NLGN1: variants seen among roughly 807,000 people sequenced by gnomAD.
NLGN1 encodes the protein neuroligin 1.
A neutral mutation model predicts 65.5 loss-of-function variants in NLGN1; 12 were observed. The ratio of observed to expected loss-of-function variants is 0.18; its 90% CI spans 0.12 to 0.30. The LOEUF is 0.30. NLGN1 is among the 10% of genes least tolerant of loss of function. The pLI, the probability that NLGN1 is intolerant of heterozygous loss-of-function variation, is 1.00. For missense variants in NLGN1, 750 were observed against 1,007.1 expected (o/e 0.74, Z 3.46); for synonymous variants, 350 against 359.5 (o/e 0.97, Z 0.30).
At chr3:173,910,731 G>C (rs900785668) in intron 4 of NLGN1, 5 of 152,196 alleles carry the variant, frequency 3.3e-5, no homozygotes, top group Admixed American at 3.3e-4. Context: ...AATTATTTTG[G>C]TAATAATGTA....
intron 4 of NLGN1, among the ~76,000 whole-genome samples, chr3:173,937,353 A>G (rs1745247126): frequency 6.6e-6 from 1 of 152,090 alleles, no homozygotes; most frequent in Admixed American, 6.6e-5. Context: ...AGATATATAC[A>G]AATAGAACAA....
intron 2 of NLGN1, among the ~76,000 whole-genome samples, chr3:173,484,962 A>G (rs1727922438): frequency 1.3e-5 from 2 of 151,916 alleles, no homozygotes; most frequent in African/African-American, 4.8e-5. Flanking sequence ...CTGTTAGTCT[A>G]TTTTCACTTT....
intron 4 of NLGN1, among the ~76,000 whole-genome samples, chr3:173,857,967 T>G (rs1311068128): frequency 7.6e-6 from 1 of 132,444 alleles, no homozygotes; most frequent in African/African-American, 2.9e-5. Context: ...ATCCCTTTAT[T>G]CCCCATCCCA....
At chr3:173,790,573 A>T (rs1712485075) in intron 3 of NLGN1, among the ~76,000 whole-genome samples, 1 of 152,204 alleles carries the variant, frequency 6.6e-6, no homozygotes, top group Non-Finnish European at 1.5e-5. Context: ...AGAGAGGATA[A>T]GAAAGCTACC....
intron 4 of NLGN1, among the ~76,000 whole-genome samples, chr3:174,053,258 A>G (rs1735313806): frequency 6.6e-6 from 1 of 151,878 alleles, no homozygotes; most frequent in Non-Finnish European, 1.5e-5. Context: ...ATAGTAAAAT[A>G]TTTTGCTCTA....
intron 3 of NLGN1, among the ~76,000 whole-genome samples, chr3:173,797,591 A>G (rs1714386886): frequency 1.3e-5 from 2 of 151,990 alleles, no homozygotes; most frequent in Admixed American, 1.3e-4. Flanking sequence ...CAATGCATGC[A>G]TGCAATTATT....
chr3:173,810,857 C>T (rs1717774333), intron 4 of NLGN1, among the ~76,000 whole-genome samples: 1 of 152,176 alleles, frequency 6.6e-6, no homozygotes, highest in African/African-American at 2.4e-5. Flanking sequence ...TTAGTGGTTT[C>T]CTTTCCAGTG....
chr3:174,006,613 A>G (rs921574144), intron 4 of NLGN1, among the ~76,000 whole-genome samples: 1 of 152,064 alleles, frequency 6.6e-6, no homozygotes, highest in Non-Finnish European at 1.5e-5. Flanking sequence ...CTATCTATTC[A>G]TCTAGTAATA....
At position 174,232,210 on chromosome 3, in the gene NLGN1, C is replaced by G. The variant is rs141483431; in HGVS notation, c.647-43105C>G. The stretch of plus-strand genomic sequence containing the variant: ...ATTACAGTCAAAGGGGGGTTGTTCT[C>G]TGGCGGGCAGAGTGGGGTTCACAAG... On this transcript the variant is annotated intron_variant, in intron 4 of 6. Transcript: ENST00000457714. Among the ~76,000 whole-genome samples, 799 of 152,186 alleles carry G rather than the reference C, an allele frequency of 5.3e-3. 2 individuals carry two copies. Among genetic ancestry groups the G allele is most frequent in the Middle Eastern group, 0.014 (4 of 294 alleles).
chr3:174,134,365 T>C lies in NLGN1; in HGVS notation c.647-140950T>C, dbSNP rs1242564693. 2.0e-5 allele frequency among the ~76,000 whole-genome samples: 3 copies of C among 152,292 alleles called. No individual in the cohort carries two copies. The East Asian group carries it at 5.8e-4, about 29-fold the overall frequency. ...AGCAGCATGACCCATCTTATTTGGT[T>C]ATCAATTCAACACTTTCATGTACAT... On this transcript the variant is annotated intron_variant, in intron 4 of 6. Coordinates refer to ENST00000457714, the Ensembl canonical transcript of NLGN1.
At chr3:173,792,165 G>C (rs1476538999) in intron 3 of NLGN1, among the ~76,000 whole-genome samples, 1 of 152,086 alleles carries the variant, frequency 6.6e-6, no homozygotes, top group African/African-American at 2.4e-5. Context: ...AGCAAGGAGA[G>C]GCATGTGTGA....
intron 4 of NLGN1, among the ~76,000 whole-genome samples, chr3:173,939,953 A>T (rs188486667): frequency 6.6e-6 from 1 of 152,130 alleles, no homozygotes; most frequent in Non-Finnish European, 1.5e-5. Context: ...CTTAAACAAA[A>T]ATCACATTGT....
intron 4 of NLGN1, among the ~76,000 whole-genome samples, chr3:174,115,295 A>G (rs935942400): frequency 6.6e-6 from 1 of 152,182 alleles, no homozygotes. Context: ...TGAGAGAACT[A>G]CAGGGCTTAG....
intron 4 of NLGN1, among the ~76,000 whole-genome samples, chr3:173,870,070 T>C (rs1297908855): frequency 6.6e-6 from 1 of 152,212 alleles, no homozygotes; most frequent in Non-Finnish European, 1.5e-5. Flanking sequence ...TGAAGTATGC[T>C]AGATTATCAG....
chr3:173,420,419 A>G (rs1255137809), intron 1 of NLGN1, among the ~76,000 whole-genome samples: 1 of 152,086 alleles, frequency 6.6e-6, no homozygotes, highest in African/African-American at 2.4e-5. Context: ...ATCATTTTTT[A>G]TGGCTGCAAA....
chr3:174,074,323 A>G (rs1580148889), intron 4 of NLGN1, among the ~76,000 whole-genome samples: 1 of 152,314 alleles, frequency 6.6e-6, no homozygotes, highest in South Asian at 2.1e-4. Flanking sequence ...GCTAATATTT[A>G]TGGTTAAGCT....
chr3:173,512,178 G>A (rs1733088510), intron 2 of NLGN1, among the ~76,000 whole-genome samples: 1 of 152,218 alleles, frequency 6.6e-6, no homozygotes, highest in Non-Finnish European at 1.5e-5. Context: ...AGCTCAGTGG[G>A]CCCTTTGTCT....
chr3:174,051,883 A>T (rs1734965587), intron 4 of NLGN1, among the ~76,000 whole-genome samples: 1 of 152,008 alleles, frequency 6.6e-6, no homozygotes, highest in African/African-American at 2.4e-5. Context: ...CTGAATAAAG[A>T]TGTAACACAA....
At chr3:173,718,424 A>G (rs1770244258) in intron 3 of NLGN1, among the ~76,000 whole-genome samples, 1 of 152,144 alleles carries the variant, frequency 6.6e-6, no homozygotes, top group Non-Finnish European at 1.5e-5. Context: ...GGCTTATTTC[A>G]CTTAACATAA....
Sources: allele counts gnomAD v4.1 joint callset (sites outside exome capture counted in the v4.1 genomes callset), GRCh38; gene constraint gnomAD v4.1.1; transcripts MANE v1.5; gene names NCBI Gene and HGNC (gene_info 2026-07-23, HGNC 2026-07-21).